The following PCDH11Y variants were observed in gnomAD, a reference collection of about 807,000 sequenced individuals.
The protein encoded by PCDH11Y is protocadherin-11 Y-linked.
For synonymous variants in PCDH11Y, 9 were observed against 83.6 expected, an observed-to-expected ratio of 0.11 and a Z score of 4.87; for missense variants, 12 against 224.8, an observed-to-expected ratio of 0.05 and a Z score of 6.05.
chrY:5,519,389 C>CA (rs780335976), intron 3 of PCDH11Y, among the ~76,000 whole-genome samples: 18 of 5,623 alleles, frequency 3.2e-3, no homozygotes, highest in South Asian at 0.016. Context: ...GACTCTGTCT[C>CA]AAAAAAAAAA....
intron 2 of PCDH11Y, among the ~76,000 whole-genome samples, chrY:5,489,185 C>G: frequency 1.1e-4 from 3 of 27,536 alleles, no homozygotes; most frequent in Admixed American, 1.1e-3. Context: ...CTTAGTTTTT[C>G]TTCAGAACAG....
intron 4 of PCDH11Y, among the ~76,000 whole-genome samples, chrY:5,588,542 T>C: frequency 3.0e-5 from 1 of 33,339 alleles, no homozygotes; most frequent in South Asian, 6.5e-4. Context: ...CCTTCAGCTT[T>C]TGTTTTTTGG....
intron 2 of PCDH11Y, among the ~76,000 whole-genome samples, chrY:5,138,770 A>C (rs2124642088): frequency 3.2e-5 from 1 of 31,678 alleles, no homozygotes; most frequent in South Asian, 7.2e-4. Flanking sequence ...AATTGCCAAC[A>C]AAAAGAAGTC....
intron 2 of PCDH11Y, among the ~76,000 whole-genome samples, chrY:5,155,644 C>T: frequency 1.3e-4 from 4 of 31,632 alleles, no homozygotes; most frequent in Non-Finnish European, 3.1e-4. Flanking sequence ...CTGCAAAGGA[C>T]GCGATGTCAT....
intron 2 of PCDH11Y, among the ~76,000 whole-genome samples, chrY:5,386,658 C>T (rs2053216083): frequency 4.6e-5 from 1 of 21,785 alleles, no homozygotes; most frequent in Non-Finnish European, 1.0e-4. Flanking sequence ...TGAGACTTTC[C>T]AGTACATTTT....
intron 2 of PCDH11Y, chrY:5,338,023 G>T: frequency 1.1e-5 from 4 of 351,465 alleles, no homozygotes; most frequent in Non-Finnish European, 1.2e-5. Context: ...ACTCCCTCAT[G>T]ATCACGTCTT....
At chrY:5,523,088 T>A (rs2124690519) in intron 3 of PCDH11Y, among the ~76,000 whole-genome samples, 1 of 33,814 alleles carries the variant, frequency 3.0e-5, no homozygotes, top group East Asian at 7.8e-4. Context: ...TTTGCTTTAC[T>A]CTACCTCATT....
chrY:5,107,808 C>G (rs2052793238), downstream of PCDH11Y, among the ~76,000 whole-genome samples: 2 of 33,243 alleles, frequency 6.0e-5, no homozygotes, highest in South Asian at 6.6e-4. Flanking sequence ...GCCTGTAATC[C>G]CAGCACTTTG....
chrY:5,174,139 G>GAT (rs771513755), intron 2 of PCDH11Y, among the ~76,000 whole-genome samples: 597 of 9,698 alleles, frequency 0.062, no homozygotes, highest in Middle Eastern at 0.15. Flanking sequence ...ATACAAATGT[G>GAT]ATATATATAT....
chrY:5,587,760 A>C (rs1406388181), intron 4 of PCDH11Y, among the ~76,000 whole-genome samples: 2 of 31,771 alleles, frequency 6.3e-5, no homozygotes, highest in Non-Finnish European at 1.6e-4. Context: ...ACTCTTTTTT[A>C]GTTTTTATTG....
At chrY:5,741,394 G>GA (rs2053617330) in exon 5 of PCDH11Y, 1 of 31,666 alleles carries the variant, frequency 3.2e-5, no homozygotes, top group Admixed American at 2.9e-4. Context: ...TTCAACATTA[G>GA]TTTTTTTTGT....
chrY:5,558,657 T>C, intron 3 of PCDH11Y, among the ~76,000 whole-genome samples: 1 of 29,460 alleles, frequency 3.4e-5, no homozygotes, highest in Non-Finnish European at 8.1e-5. Context: ...AGAGTTCACA[T>C]CAAGAATGCA....
chrY:5,453,667 CCAT>C (rs2053295203), intron 2 of PCDH11Y, among the ~76,000 whole-genome samples: 1 of 33,236 alleles, frequency 3.0e-5, no homozygotes, highest in Non-Finnish European at 7.4e-5. Context: ...AGGAAATTTA[CCAT>C]CATGGTGGAA....
chrY:5,648,157 G>A, intron 4 of PCDH11Y, among the ~76,000 whole-genome samples: 2 of 32,927 alleles, frequency 6.1e-5, no homozygotes, highest in African/African-American at 2.4e-4. Flanking sequence ...GTCACAGAGG[G>A]ATATGCTGCA....
chrY:5,233,202 G>C, intron 2 of PCDH11Y, among the ~76,000 whole-genome samples: 1 of 31,504 alleles, frequency 3.2e-5, no homozygotes. Flanking sequence ...TTGTTAACTT[G>C]GTGTCCTTGC....
intron 4 of PCDH11Y, among the ~76,000 whole-genome samples, chrY:5,724,870 G>A: frequency 6.1e-5 from 2 of 32,891 alleles, no homozygotes. Context: ...ATCTAAATAA[G>A]TGAAAAGACA....
chrY:5,594,452 ACACACACACACACCC>A (rs2053465374), intron 4 of PCDH11Y, among the ~76,000 whole-genome samples: 12 of 30,233 alleles, frequency 4.0e-4, no homozygotes, highest in African/African-American at 6.5e-4. Flanking sequence ...GGCAGGGTTC[ACACACACACACACCC>A]CACACACACA....
intron 3 of PCDH11Y, among the ~76,000 whole-genome samples, chrY:5,580,015 GA>G (rs2053449441): frequency 3.2e-5 from 1 of 31,470 alleles, no homozygotes; most frequent in Non-Finnish European, 7.8e-5. Context: ...ATGAATTCGA[GA>G]AATTCTTCAC....
At chrY:5,349,094 C>T in intron 2 of PCDH11Y, among the ~76,000 whole-genome samples, 11 of 31,124 alleles carry the variant, frequency 3.5e-4, no homozygotes, top group Admixed American at 3.4e-3. Flanking sequence ...CACCACTGCA[C>T]CCCAGCCTGG....
Sources: gnomAD v4.1 joint callset for allele counts (sites outside exome capture counted in the v4.1 genomes callset) on GRCh38, gnomAD v4.1.1 for gene constraint, MANE v1.5 for transcripts, NCBI Gene and HGNC (gene_info 2026-07-23, HGNC 2026-07-21) for gene names.